PHKB: variants seen among roughly 807,000 people sequenced by gnomAD.
PHKB encodes phosphorylase kinase regulatory subunit beta, also known as phosphorylase b kinase regulatory subunit beta.
Under a neutral mutation model 152.1 loss-of-function variants are expected in PHKB, and 122 were observed. The observed-to-expected ratio is 0.80, with a 90% CI of 0.69 to 0.93. The LOEUF (loss-of-function observed/expected upper bound fraction) is 0.93, where lower values mean the gene tolerates loss of function less well. Ranked by LOEUF, PHKB falls within the 40% of genes least tolerant of loss-of-function variation. PHKB has a pLI of 0.00. For missense variants in PHKB, 1,304 were observed against 1,328.4 expected (o/e 0.98, Z 0.29); for synonymous variants, 436 against 464.9 (o/e 0.94, Z 0.80).
intron 1 of PHKB, among the ~76,000 whole-genome samples, chr16:47,496,860 A>G (rs1970241090): frequency 6.6e-6 from 1 of 152,204 alleles, no homozygotes; most frequent in African/African-American, 2.4e-5. Flanking sequence ...CAAGAATATC[A>G]TCTCCCTGGG....
intron 6 of PHKB, among the ~76,000 whole-genome samples, chr16:47,523,622 C>T (rs978265268): frequency 3.3e-5 from 5 of 152,172 alleles, no homozygotes; most frequent in Non-Finnish European, 7.3e-5. Context: ...TTACTATAGG[C>T]CCACACCTAT....
intron 5 of PHKB, among the ~76,000 whole-genome samples, chr16:47,512,898 AG>A (rs1214670596): frequency 3.9e-5 from 6 of 152,166 alleles, no homozygotes; most frequent in Non-Finnish European, 2.9e-5. Context: ...TTCTTACTTT[AG>A]TATGTCTTCT....
chr16:47,556,805 C>T (rs1191672783), intron 7 of PHKB, among the ~76,000 whole-genome samples: 2 of 152,114 alleles, frequency 1.3e-5, no homozygotes. Flanking sequence ...GGGAGGATTC[C>T]CTCTTTTTCT....
chr16:47,594,357 A>G (rs891217896), intron 12 of PHKB, 143 bp downstream of exon 12: 8 of 642,370 alleles, frequency 1.2e-5, no homozygotes, highest in Non-Finnish European at 2.3e-5. Flanking sequence ...ATCAGAAAGA[A>G]GATTAAGCAA....
chr16:47,610,708 A>G (rs890347091), intron 13 of PHKB, 118 bp from the exon 14 acceptor site: 2 of 712,630 alleles, frequency 2.8e-6, no homozygotes, highest in Non-Finnish European at 2.6e-6. Context: ...AGGATGTTTC[A>G]TGTACACTGA....
At chr16:47,690,779 A>C (rs894954747) in intron 27 of PHKB, among the ~76,000 whole-genome samples, 1 of 152,162 alleles carries the variant, frequency 6.6e-6, no homozygotes, top group African/African-American at 2.4e-5. Flanking sequence ...ATGTGTTTCC[A>C]CTCAAGATGC....
In PHKB at chr16:47,650,668, A is replaced by G. The variant is rs754010500; in HGVS notation, c.1880+42A>G. On this transcript the variant is annotated intron_variant, in intron 19 of 30. Transcript: ENST00000323584. Reference sequence around the variant, plus strand: ...AGTAAGGTACGTGTGTCTCACTGACATGAACACAGTGAGCCCTTGGGAAGA... The same window carrying G: ...AGTAAGGTACGTGTGTCTCACTGACGTGAACACAGTGAGCCCTTGGGAAGA... 26 of 1,364,724 alleles carry G rather than the reference A, an allele frequency of 1.9e-5. No individual in the cohort carries two copies. The Middle Eastern group carries it at 8.9e-4, about 47-fold the overall frequency. 84.5% of individuals were successfully genotyped at this position (1,364,724 alleles called of 1,614,324 possible).
At chr16:47,511,585 C>T in intron 4 of PHKB, 80 bp from the exon 5 acceptor site, 5 of 1,033,488 alleles carry the variant, frequency 4.8e-6, no homozygotes, top group Non-Finnish European at 7.6e-6. Context: ...TAAAAAGTTT[C>T]ATGAAAAATA....
chr16:47,510,162 C>T (rs1970486059), intron 4 of PHKB, among the ~76,000 whole-genome samples: 1 of 152,162 alleles, frequency 6.6e-6, no homozygotes, highest in Non-Finnish European at 1.5e-5. Flanking sequence ...ACCCTCTTGG[C>T]ATGCAGATGT....
chr16:47,520,951 G>A (rs1038989573), intron 6 of PHKB, among the ~76,000 whole-genome samples: 4 of 151,974 alleles, frequency 2.6e-5, no homozygotes, highest in African/African-American at 7.2e-5. Context: ...ATGTGGTTTT[G>A]TAGTTTTTAA....
chr16:47,687,629 G>C (rs1194507032), intron 26 of PHKB, among the ~76,000 whole-genome samples: 1 of 152,154 alleles, frequency 6.6e-6, no homozygotes, highest in Admixed American at 6.5e-5. Flanking sequence ...TCATTCCATA[G>C]TATCAACAAT....
intron 13 of PHKB, chr16:47,598,573 A>T (rs1442688274): frequency 4.2e-5 from 33 of 792,108 alleles, no homozygotes; most frequent in Non-Finnish European, 8.2e-6. Flanking sequence ...ATAAAATGTC[A>T]GTAATATGAA....
In PHKB at chr16:47,502,088, A is replaced by G. The variant is rs545064967; in HGVS notation, c.306-903A>G. ...CAATAGTGAATGGTATATGCAATCT[A>G]TGATTTAACTGGGAGGTAATTATAA... On this transcript the variant is annotated intron_variant, in intron 3 of 30. Transcript: ENST00000323584. Among the ~76,000 whole-genome samples, 28 of 152,334 alleles carry G rather than the reference A, an allele frequency of 1.8e-4. No individual in the cohort carries two copies. In the South Asian group the frequency reaches 3.5e-3, roughly 19 times the overall value.
intron 8 of PHKB, among the ~76,000 whole-genome samples, chr16:47,586,443 T>C (rs549840759): frequency 6.6e-5 from 10 of 152,316 alleles, no homozygotes; most frequent in African/African-American, 2.2e-4. Context: ...ATTTATTAAT[T>C]TACTTGTCAG....
At chr16:47,567,179 T>C (rs1283272813) in intron 7 of PHKB, among the ~76,000 whole-genome samples, 2 of 152,222 alleles carry the variant, frequency 1.3e-5, no homozygotes. Flanking sequence ...TAGATTGCTT[T>C]GGGCAGTATT....
chr16:47,646,589 A>G (rs1444403955), intron 16 of PHKB, among the ~76,000 whole-genome samples: 2 of 150,456 alleles, frequency 1.3e-5, no homozygotes, highest in Non-Finnish European at 3.0e-5. Flanking sequence ...AAAAAAGGAA[A>G]AAGTTACAGA....
At chr16:47,505,833 G>A (rs1049883914) in intron 4 of PHKB, among the ~76,000 whole-genome samples, 2 of 151,870 alleles carry the variant, frequency 1.3e-5, no homozygotes, top group Non-Finnish European at 2.9e-5. Flanking sequence ...AGGAGTTCGA[G>A]AGCAGCCTGG....
chr16:47,464,963 A>G (rs1185702677), intron 1 of PHKB, among the ~76,000 whole-genome samples: 7 of 152,224 alleles, frequency 4.6e-5, no homozygotes, highest in Non-Finnish European at 8.8e-5. Flanking sequence ...TGGCTTCACC[A>G]TAGCCTTTCA....
At position 47,461,436 on chromosome 16, in the gene PHKB, G is replaced by T. The variant is rs1181480659; in HGVS notation, c.76+10G>T. 4.3e-6 allele frequency: 7 copies of T among 1,612,636 alleles called. No individual in the cohort carries two copies. The highest frequency in any genetic ancestry group is 5.9e-6 in the Non-Finnish European group (7 of 1,179,644). On this transcript the variant is annotated intron_variant, in intron 1 of 30. Coordinates refer to ENST00000323584, the MANE Select transcript of PHKB (RefSeq NM_000293.3). ...CGGACCAAGCGCTCAGGTTTGGCTG[G>T]CTGGGGCGCCGCCCCCCACCCGAGT...
Sources: allele counts gnomAD v4.1 joint callset (sites outside exome capture counted in the v4.1 genomes callset), GRCh38; gene constraint gnomAD v4.1.1; transcripts MANE v1.5; gene names NCBI Gene and HGNC (gene_info 2026-07-23, HGNC 2026-07-21).